Variants in L3MBTL3 observed in about 807,000 individuals in gnomAD.
L3MBTL3 encodes L3MBTL histone methyl-lysine binding protein 3.
In L3MBTL3, 27 loss-of-function variants were observed where a neutral mutation model predicts 102.3. The observed-to-expected ratio is 0.26, with a 90% CI of 0.19 to 0.36. The LOEUF (loss-of-function observed/expected upper bound fraction) is 0.36. Among genes scored for constraint, L3MBTL3 ranks in the 10% least tolerant of loss-of-function variants. L3MBTL3 has a pLI of 1.00. For synonymous variants in L3MBTL3, 340 were observed against 320.9 expected (o/e 1.06, Z -0.64); for missense variants, 798 against 955.3 (o/e 0.84, Z 2.17).
Position 130,104,435 on chromosome 6 carries a change from C to A in L3MBTL3, c.1746C>A (p.Asn582Lys). 3 of 1,554,022 alleles carry A rather than the reference C, an allele frequency of 1.9e-6. No homozygotes were observed. The highest frequency in any genetic ancestry group is 2.6e-6 in the Non-Finnish European group (3 of 1,153,544). ...TCTTTTAATCTGTTAGTGCTGCCAA[C>A]TGTCCCTATTCAGAAATCAATTTGA... Reference protein sequence around the residue: ...ARHLGPHSAANCPYSEINLNK... With the variant: ...ARHLGPHSAAKCPYSEINLNK... The change falls in exon 19 of 23, where the codon AAC (asparagine) becomes AAA (lysine). Residue 582 changes from asparagine to lysine, a missense_variant. Physicochemically the swap from Asn to Lys is moderately conservative, Grantham distance 94. Transcript: ENST00000361794.
intron 16 of L3MBTL3, among the ~76,000 whole-genome samples, chr6:130,091,440 A>G (rs1404369360): frequency 6.6e-6 from 1 of 152,156 alleles, no homozygotes; most frequent in African/African-American, 2.4e-5. Flanking sequence ...CCTTCATCCT[A>G]AAAGGTAAAA....
chr6:130,141,356 T>C lies in L3MBTL3; in HGVS notation c.*1603T>C, dbSNP rs933726843. On this transcript the variant is annotated 3_prime_UTR_variant, in exon 23 of 23. Transcript: ENST00000361794. ...AAATAAGTTTTTTGTTGCTGTTTTT[T>C]CTTTTTTATGTTTTGTTCAGAATTT... 6.6e-6 allele frequency: 1 copy of C among 152,268 alleles called. No homozygotes were observed. The highest frequency in any genetic ancestry group is 2.4e-5 in the African/African-American group (1 of 41,474). 9.4% of individuals were successfully genotyped at this position (152,268 alleles called of 1,614,324 possible).
chr6:130,136,470 A>G (rs1165965234), intron 22 of L3MBTL3, among the ~76,000 whole-genome samples: 2 of 152,158 alleles, frequency 1.3e-5, no homozygotes, highest in Non-Finnish European at 2.9e-5. Context: ...CCAGATGTTC[A>G]TGTGGCTCAC....
In L3MBTL3 at chr6:130,104,587, G is replaced by A. The variant is rs376539532; in HGVS notation, c.1886+12G>A. On this transcript the variant is annotated intron_variant, in intron 19 of 22. Transcript: ENST00000361794. ...TCCCCTGAAATCAGGTAATCAAAGAGCTAATATTAGCATTGTTTAGAAGTA... is the reference window on the plus strand; with the variant it reads ...TCCCCTGAAATCAGGTAATCAAAGAACTAATATTAGCATTGTTTAGAAGTA... 7 of 1,543,566 alleles carry A rather than the reference G, an allele frequency of 4.5e-6. No individual in the cohort carries two copies. In the African/African-American group the frequency reaches 8.4e-5, roughly 19 times the overall value.
rs868640278 is a variant in L3MBTL3 at position 130,066,288 on chromosome 6, A to G, written c.865-65A>G. 1.7e-4 allele frequency: 59 copies of G among 343,394 alleles called. 3 individuals are homozygous for G. Among genetic ancestry groups the G allele is most frequent in the South Asian group, 1.1e-3 (16 of 13,990 alleles). The allele number at this position is 343,394 out of a possible 1,614,324, so 21.3% of individuals were successfully genotyped here. On this transcript the variant is annotated intron_variant, in intron 10 of 22. Coordinates refer to ENST00000361794, the MANE Select transcript of L3MBTL3 (RefSeq NM_032438.4). Reference sequence around the variant, plus strand: ...CTGGTGTCCATGTTTATTTTTGTGTATATATATATATATATGAATATTCTG... The same window carrying G: ...CTGGTGTCCATGTTTATTTTTGTGTGTATATATATATATATGAATATTCTG...
At chr6:130,030,733 G>C (rs1169319050) in intron 2 of L3MBTL3, among the ~76,000 whole-genome samples, 1 of 144,614 alleles carries the variant, frequency 6.9e-6, no homozygotes. Flanking sequence ...AGCCTTTGCT[G>C]TTACATTAAG....
intron 19 of L3MBTL3, among the ~76,000 whole-genome samples, chr6:130,105,416 T>G (rs1416616971): frequency 6.6e-6 from 1 of 152,136 alleles, no homozygotes; most frequent in Non-Finnish European, 1.5e-5. Context: ...CTACAACTTC[T>G]TCTGGTATTA....
intron 20 of L3MBTL3, among the ~76,000 whole-genome samples, chr6:130,129,600 A>G (rs1786867152): frequency 6.6e-6 from 1 of 152,216 alleles, no homozygotes; most frequent in Admixed American, 6.5e-5. Flanking sequence ...CAAGTGAGAA[A>G]AGAGTTTGAT....
chr6:130,092,998 T>C (rs975056878), intron 17 of L3MBTL3, 139 bp downstream of exon 17: 22 of 505,492 alleles, frequency 4.4e-5, no homozygotes, highest in Non-Finnish European at 7.0e-5. Context: ...TTTTACTACA[T>C]TTTAATTACC....
intron 9 of L3MBTL3, among the ~76,000 whole-genome samples, chr6:130,059,282 A>G (rs1781739080): frequency 6.6e-6 from 1 of 152,206 alleles, no homozygotes; most frequent in Non-Finnish European, 1.5e-5. Flanking sequence ...AGCAATATAT[A>G]TATACACAGA....
intron 12 of L3MBTL3, among the ~76,000 whole-genome samples, chr6:130,069,658 A>G (rs1782498699): frequency 6.6e-6 from 1 of 152,220 alleles, no homozygotes; most frequent in African/African-American, 2.4e-5. Context: ...TGGAAAACTT[A>G]GCAGCCTGCT....
chr6:130,077,878 C>T (rs1028728622), intron 13 of L3MBTL3, among the ~76,000 whole-genome samples: 3 of 152,074 alleles, frequency 2.0e-5, no homozygotes, highest in Admixed American at 6.6e-5. Context: ...GCAGAACACT[C>T]GGGTTCCATA....
intron 16 of L3MBTL3, among the ~76,000 whole-genome samples, chr6:130,090,491 A>C (rs1444073697): frequency 2.0e-5 from 3 of 152,226 alleles, no homozygotes; most frequent in Non-Finnish European, 1.5e-5. Context: ...AAATGTGAAC[A>C]TTTTTAACAG....
At position 130,108,949 on chromosome 6, in the gene L3MBTL3, G is replaced by A. The variant is rs559367835; in HGVS notation, c.1886+4374G>A. ...TCAGCTCCCACTTATGAGTGAGAAC[G>A]TGTGGTGTTTGGTTTTCTGTTCCTT... On this transcript the variant is annotated intron_variant, in intron 19 of 22. Coordinates refer to ENST00000361794, the MANE Select transcript of L3MBTL3 (RefSeq NM_032438.4). 2.6e-5 allele frequency among the ~76,000 whole-genome samples: 4 copies of A among 152,078 alleles called. No homozygotes were observed. In the East Asian group the frequency reaches 7.8e-4, roughly 29 times the overall value.
At chr6:130,111,765 G>A (rs2115416929) in intron 19 of L3MBTL3, among the ~76,000 whole-genome samples, 1 of 152,200 alleles carries the variant, frequency 6.6e-6, no homozygotes, top group South Asian at 2.1e-4. Context: ...ACTCAGATTT[G>A]AGGTCCTATC....
chr6:130,122,463 G>T (rs570572452), intron 20 of L3MBTL3, among the ~76,000 whole-genome samples: 1 of 152,262 alleles, frequency 6.6e-6, no homozygotes, highest in African/African-American at 2.4e-5. Context: ...ACATACCTCT[G>T]AGTGTTTCTG....
intron 7 of L3MBTL3, among the ~76,000 whole-genome samples, chr6:130,054,597 T>C (rs1180791317): frequency 2.0e-5 from 3 of 152,166 alleles, no homozygotes; most frequent in Non-Finnish European, 2.9e-5. Context: ...TAATCCTGTC[T>C]CTTACTGAGA....
chr6:130,039,717 A>G (rs1780298679), intron 2 of L3MBTL3, among the ~76,000 whole-genome samples: 1 of 152,146 alleles, frequency 6.6e-6, no homozygotes. Flanking sequence ...CACAGTTTCA[A>G]GAAATGCATT....
chr6:130,098,889 GT>G (rs1784516602), intron 18 of L3MBTL3, among the ~76,000 whole-genome samples: 1 of 95,270 alleles, frequency 1.0e-5, no homozygotes, highest in Non-Finnish European at 2.2e-5. Flanking sequence ...TTTTTTAACT[GT>G]TTTTTGTCAG....
Sources: allele counts gnomAD v4.1 joint callset (sites outside exome capture counted in the v4.1 genomes callset), GRCh38; gene constraint gnomAD v4.1.1; transcripts MANE v1.5; gene names NCBI Gene and HGNC (gene_info 2026-07-23, HGNC 2026-07-21).